The following TAF4B variants were observed in gnomAD, a reference collection of about 807,000 sequenced individuals.
The protein encoded by TAF4B is TATA-box binding protein associated factor 4b, also known as transcription initiation factor TFIID subunit 4B.
TAF4B carries 38 observed loss-of-function variants against 86.4 expected under a neutral mutation model. The observed-to-expected ratio is 0.44, with a 90% CI of 0.34 to 0.58. The LOEUF (loss-of-function observed/expected upper bound fraction) is 0.58. Among genes scored for constraint, TAF4B ranks in the 20% least tolerant of loss-of-function variants. The probability of loss-of-function intolerance (pLI) is 0.02; values close to 1 mark genes in which losing one functional copy is unlikely to be tolerated. For missense variants in TAF4B, 988 were observed against 1,027.6 expected, an observed-to-expected ratio of 0.96 and a Z score of 0.53; for synonymous variants, 388 against 391.2, an observed-to-expected ratio of 0.99 and a Z score of 0.10.
At chr18:26,246,906 A>G (rs1310615542) in intron 1 of TAF4B, among the ~76,000 whole-genome samples, 1 of 149,118 alleles carries the variant, frequency 6.7e-6, no homozygotes, top group Non-Finnish European at 1.5e-5. Context: ...GTTGGAGTGC[A>G]GTGGCATGAT....
Position 26,265,277 on chromosome 18 carries a change from CCA to C in TAF4B, c.452_453del (p.Pro151ArgfsTer15). 6.2e-7 allele frequency: 1 copy of C among 1,613,908 alleles called. No homozygotes were observed. The highest frequency in any genetic ancestry group is 8.5e-7 in the Non-Finnish European group (1 of 1,179,978). ...TSNITSRPAV[P>X]ANPQTVKICT... ...TAACATAACCTCAAGGCCAGCAGTA[CCA>C]GCGAATCCTCAAACAGTCAAAATCT... On this transcript the variant is annotated frameshift_variant, in exon 2 of 15. Coordinates refer to ENST00000269142, the MANE Select transcript of TAF4B (RefSeq NM_005640.3). LOFTEE classifies it high-confidence loss of function.
At chr18:26,322,865 C>T (rs1164335288) in intron 11 of TAF4B, among the ~76,000 whole-genome samples, 2 of 151,778 alleles carry the variant, frequency 1.3e-5, no homozygotes, top group African/African-American at 2.4e-5. Context: ...ATAATGTAGG[C>T]GTTTACTACT....
chr18:26,280,582 G>A (rs2056436174), intron 5 of TAF4B, among the ~76,000 whole-genome samples: 1 of 152,146 alleles, frequency 6.6e-6, no homozygotes, highest in African/African-American at 2.4e-5. Flanking sequence ...TCAGAGAAAT[G>A]CAAATCAGAA....
intron 14 of TAF4B, among the ~76,000 whole-genome samples, chr18:26,368,710 G>C (rs1413780166): frequency 6.6e-6 from 1 of 151,628 alleles, no homozygotes; most frequent in Non-Finnish European, 1.5e-5. Context: ...TATATTTTAA[G>C]ATTTTTTTTT....
At chr18:26,309,299 G>A (rs1313136626) in intron 9 of TAF4B, among the ~76,000 whole-genome samples, 2 of 116,214 alleles carry the variant, frequency 1.7e-5, no homozygotes, top group Non-Finnish European at 3.3e-5. Context: ...TAAAGTTGGA[G>A]CTATCAAGCA....
chr18:26,335,281 G>C, intron 13 of TAF4B, 50 bp downstream of exon 13: 1 of 1,522,510 alleles, frequency 6.6e-7, no homozygotes, highest in Middle Eastern at 1.7e-4. Context: ...GGGAAGGTTG[G>C]CAGCTCTCTC....
intron 14 of TAF4B, among the ~76,000 whole-genome samples, chr18:26,384,932 G>T (rs554415442): frequency 6.6e-6 from 1 of 152,228 alleles, no homozygotes; most frequent in South Asian, 2.1e-4. Flanking sequence ...ATCTTATGCC[G>T]CCTAGCACAG....
intron 1 of TAF4B, among the ~76,000 whole-genome samples, chr18:26,232,862 A>G (rs1412662166): frequency 6.6e-6 from 1 of 152,198 alleles, no homozygotes; most frequent in Non-Finnish European, 1.5e-5. Context: ...GTAGTAGGAT[A>G]ATGAAGTAGA....
chr18:26,265,078 A>T, intron 1 of TAF4B, 92 bp from the exon 2 acceptor site: 1 of 1,314,236 alleles, frequency 7.6e-7, no homozygotes, highest in Non-Finnish European at 1.0e-6. Flanking sequence ...ACATCTTTTT[A>T]AAGTGTTGAA....
chr18:26,251,299 G>A (rs1389216941), intron 1 of TAF4B, among the ~76,000 whole-genome samples: 3 of 152,136 alleles, frequency 2.0e-5, no homozygotes, highest in Admixed American at 6.6e-5. Context: ...TGACTAGTGA[G>A]GCATTCTGTA....
intron 6 of TAF4B, among the ~76,000 whole-genome samples, chr18:26,283,684 G>A (rs963681809): frequency 4.6e-5 from 7 of 152,136 alleles, no homozygotes; most frequent in Non-Finnish European, 7.4e-5. Flanking sequence ...GAAGCCATGC[G>A]TTGACTTTTC....
chr18:26,259,560 T>G (rs1568110382), intron 1 of TAF4B, among the ~76,000 whole-genome samples: 1 of 152,186 alleles, frequency 6.6e-6, no homozygotes, highest in African/African-American at 2.4e-5. Flanking sequence ...TACAATAGTT[T>G]GCTGAGAATG....
At chr18:26,328,777 G>A (rs535226873) in intron 12 of TAF4B, among the ~76,000 whole-genome samples, 3 of 151,796 alleles carry the variant, frequency 2.0e-5, no homozygotes, top group South Asian at 2.1e-4. Context: ...TCACCACCAC[G>A]CCCGGCGAAT....
chr18:26,329,332 CA>C (rs1431367299), intron 12 of TAF4B, among the ~76,000 whole-genome samples: 2 of 152,224 alleles, frequency 1.3e-5, no homozygotes, highest in African/African-American at 4.8e-5. Flanking sequence ...GCTGGGATTA[CA>C]GGCATGAGAC....
At chr18:26,367,451 A>G (rs755270055) in intron 14 of TAF4B, among the ~76,000 whole-genome samples, 50 of 152,166 alleles carry the variant, frequency 3.3e-4, no homozygotes, top group African/African-American at 5.1e-4. Context: ...CAGAAAATGC[A>G]TGTACGAGCT....
At chr18:26,303,211 A>C (rs996099086) in intron 9 of TAF4B, among the ~76,000 whole-genome samples, 1 of 63,668 alleles carries the variant, frequency 1.6e-5, no homozygotes, top group Non-Finnish European at 3.0e-5. Flanking sequence ...CCACTTTCAT[A>C]CCCCCTCCAC....
At chr18:26,373,657 T>C (rs561862357) in intron 14 of TAF4B, among the ~76,000 whole-genome samples, 11 of 152,348 alleles carry the variant, frequency 7.2e-5, no homozygotes, top group Non-Finnish European at 1.6e-4. Context: ...TAAAAAATTA[T>C]CCATGATGGC....
At chr18:26,357,016 A>G (rs2057293667) in intron 13 of TAF4B, among the ~76,000 whole-genome samples, 1 of 152,144 alleles carries the variant, frequency 6.6e-6, no homozygotes, top group Non-Finnish European at 1.5e-5. Context: ...TGCCATGAAT[A>G]TTATAGAGTA....
chr18:26,290,883 A>AC (rs1168964477), intron 7 of TAF4B, among the ~76,000 whole-genome samples: 1 of 152,134 alleles, frequency 6.6e-6, no homozygotes, highest in Admixed American at 6.5e-5. Context: ...ATAAAATGAG[A>AC]CCTGTATATT....
Sources: allele counts gnomAD v4.1 joint callset (sites outside exome capture counted in the v4.1 genomes callset), GRCh38; gene constraint gnomAD v4.1.1; transcripts MANE v1.5; gene names NCBI Gene and HGNC (gene_info 2026-07-23, HGNC 2026-07-21).